Variants in ABTB3 observed in about 807,000 individuals in gnomAD.
ABTB3 encodes the protein ankyrin repeat and BTB domain containing 3.
At chr12:107,446,015 G>A in the ABTB3 span, among the ~76,000 whole-genome samples, 5 of 151,498 alleles carry the variant, frequency 3.3e-5, no homozygotes, top group Admixed American at 6.6e-5. Flanking sequence ...CCATCTCAAC[G>A]TTCTCAACCT....
the ABTB3 span, chr12:107,635,222 G>A: frequency 1.4e-6 from 2 of 1,448,754 alleles, no homozygotes; most frequent in Non-Finnish European, 1.9e-6. Flanking sequence ...CATTCCTGGG[G>A]CACAGCTTGA....
the ABTB3 span, among the ~76,000 whole-genome samples, chr12:107,414,105 C>T: frequency 1.3e-5 from 2 of 152,006 alleles, no homozygotes; most frequent in Non-Finnish European, 2.9e-5. Flanking sequence ...TTTAGAGACT[C>T]GTCTAATTTT....
At chr12:107,646,666 CACAG>C in the ABTB3 span, among the ~76,000 whole-genome samples, 11 of 152,282 alleles carry the variant, frequency 7.2e-5, no homozygotes, top group South Asian at 1.0e-3. Context: ...GAGACTCAAA[CACAG>C]ACAGGCGAGG....
At chr12:107,572,888 C>T in the ABTB3 span, among the ~76,000 whole-genome samples, 1 of 152,170 alleles carries the variant, frequency 6.6e-6, no homozygotes, top group East Asian at 1.9e-4. Flanking sequence ...GCTTGCAGCC[C>T]TCAGCCCTCT....
chr12:107,458,044 A>G, the ABTB3 span, among the ~76,000 whole-genome samples: 2 of 152,188 alleles, frequency 1.3e-5, no homozygotes, highest in Non-Finnish European at 2.9e-5. Flanking sequence ...TTAACTTTGC[A>G]CAAAGTTGGG....
At chr12:107,428,714 G>T in the ABTB3 span, among the ~76,000 whole-genome samples, 2 of 152,248 alleles carry the variant, frequency 1.3e-5, no homozygotes, top group African/African-American at 4.8e-5. Flanking sequence ...CTGCCCCAGG[G>T]TTTGCTATTG....
chr12:107,395,721 C>T, the ABTB3 span, among the ~76,000 whole-genome samples: 3 of 152,206 alleles, frequency 2.0e-5, no homozygotes, highest in Non-Finnish European at 4.4e-5. Context: ...CAGTGGGGGC[C>T]AGCTCTGGTC....
At chr12:107,645,248 T>A in the ABTB3 span, among the ~76,000 whole-genome samples, 2 of 152,306 alleles carry the variant, frequency 1.3e-5, no homozygotes, top group African/African-American at 4.8e-5. Context: ...ATTACAGGCG[T>A]GAGCCACTGC....
the ABTB3 span, among the ~76,000 whole-genome samples, chr12:107,342,141 C>G: frequency 1.3e-5 from 2 of 152,148 alleles, no homozygotes; most frequent in South Asian, 4.1e-4. Flanking sequence ...GGTGACAGTT[C>G]CCTTCCTTTC....
At chr12:107,471,504 G>A in the ABTB3 span, among the ~76,000 whole-genome samples, 1 of 152,182 alleles carries the variant, frequency 6.6e-6, no homozygotes, top group Non-Finnish European at 1.5e-5. Flanking sequence ...ACAGCTTATA[G>A]GTATTGAGCC....
chr12:107,618,688 G>A, the ABTB3 span, among the ~76,000 whole-genome samples: 1 of 152,210 alleles, frequency 6.6e-6, no homozygotes, highest in Non-Finnish European at 1.5e-5. Context: ...TGGGGAGCTT[G>A]TCTGAATACC....
At chr12:107,335,808 A>C in the ABTB3 span, among the ~76,000 whole-genome samples, 11 of 152,146 alleles carry the variant, frequency 7.2e-5, no homozygotes, top group Non-Finnish European at 1.2e-4. Context: ...GGGGAGGGAA[A>C]GAGTGCTGCG....
At chr12:107,591,146 C>A in the ABTB3 span, among the ~76,000 whole-genome samples, 1 of 152,174 alleles carries the variant, frequency 6.6e-6, no homozygotes, top group South Asian at 2.1e-4. Context: ...CATTAAATCA[C>A]CCTACAAAAG....
chr12:107,617,516 A>G, the ABTB3 span: 2 of 1,547,450 alleles, frequency 1.3e-6, no homozygotes, highest in African/African-American at 1.4e-5. Flanking sequence ...CCCCAGACCC[A>G]TTGTCTCTCT....
the ABTB3 span, chr12:107,651,579 TGA>T: frequency 1.3e-6 from 1 of 769,120 alleles, no homozygotes; most frequent in Non-Finnish European, 2.2e-6. Flanking sequence ...CTGTGGAAGG[TGA>T]AGATGAGGAC....
chr12:107,480,980 C>A, the ABTB3 span, among the ~76,000 whole-genome samples: 43 of 152,228 alleles, frequency 2.8e-4, no homozygotes, highest in African/African-American at 9.9e-4. Flanking sequence ...GCTTAAGAAC[C>A]AAGTGTTCTC....
the ABTB3 span, among the ~76,000 whole-genome samples, chr12:107,516,895 G>A: frequency 2.6e-5 from 4 of 152,220 alleles, no homozygotes. Flanking sequence ...GTCCATGCCA[G>A]TGTCATCTCT....
At chr12:107,377,832 C>T in the ABTB3 span, among the ~76,000 whole-genome samples, 1 of 152,146 alleles carries the variant, frequency 6.6e-6, no homozygotes, top group Admixed American at 6.5e-5. Flanking sequence ...GTAATAAAGG[C>T]AGTAGGATGT....
chr12:107,657,235 C>A, the ABTB3 span, among the ~76,000 whole-genome samples: 6 of 152,282 alleles, frequency 3.9e-5, no homozygotes, highest in Non-Finnish European at 7.3e-5. Context: ...GCACGATACC[C>A]CTGTAGTCCA....
Sources: allele counts gnomAD v4.1 joint callset (sites outside exome capture counted in the v4.1 genomes callset), GRCh38; gene constraint gnomAD v4.1.1; transcripts MANE v1.5; gene names NCBI Gene and HGNC (gene_info 2026-07-23, HGNC 2026-07-21).